MKS1: variants seen among roughly 807,000 people sequenced by gnomAD.
The protein encoded by MKS1 is tectonic-like complex member MKS1.
In MKS1, 70 loss-of-function variants were observed where a neutral mutation model predicts 83.7. That is an observed-to-expected ratio of 0.84 (90% CI 0.69 to 1.02). The LOEUF (loss-of-function observed/expected upper bound fraction) is 1.02. Among genes scored for constraint, MKS1 ranks in the 50% least tolerant of loss-of-function variants. The probability of loss-of-function intolerance (pLI) is 0.00; values close to 1 mark genes in which losing one functional copy is unlikely to be tolerated. For synonymous variants in MKS1, 251 were observed against 273.4 expected (o/e 0.92, Z 0.81); for missense variants, 681 against 726.9 (o/e 0.94, Z 0.73).
chr17:58,213,030 G>A lies in MKS1; in HGVS notation c.810C>T (p.Pro270=). ...LWKYTIDNVS[P]HAQPEEEERE... is the part of the protein sequence containing the mutation. ...GCTCCTCCTCCTCCGGCTGTGCGTG[G>A]GGGGAAACATTGTCGATCGTATATT... is the stretch of plus-strand genomic sequence containing the variant. The change falls in exon 8 of 18, where the codon CCC becomes CCT. Residue 270 remains proline, a synonymous_variant. Transcript: ENST00000393119. 6.2e-7 allele frequency: 1 copy of A among 1,614,096 alleles called. No homozygotes were observed. The highest frequency in any genetic ancestry group is 8.5e-7 in the Non-Finnish European group (1 of 1,180,014).
chr17:58,213,634 C>G (rs115048531), intron 7 of MKS1, 131 bp downstream of exon 7: 8 of 766,740 alleles, frequency 1.0e-5, no homozygotes, highest in South Asian at 8.8e-5. Context: ...GAACAGAATA[C>G]GAACCATTGC....
rs771356715 is a variant in MKS1 at position 58,206,069 on chromosome 17, C to A, written c.*10G>T. 6.2e-7 allele frequency: 1 copy of A among 1,605,928 alleles called. No individual in the cohort carries two copies. ...TGTCCTCTTGCACTGTGGGCCAGGG[C>A]TGCTGTGAGCTAGGAGACCAGGGTT... On this transcript the variant is annotated 3_prime_UTR_variant, in exon 18 of 18. Coordinates refer to ENST00000393119, the MANE Select transcript of MKS1 (RefSeq NM_017777.4).
Position 58,218,679 on chromosome 17 carries a change from G to C in MKS1, c.131C>G (p.Ala44Gly). The part of the protein sequence containing the change: ...TSSNFLHYQP[A>G]AELGKDLIDL... ...TATGAGGTCCTTCCCGAGCTCGGCA[G>C]CAGGCTGATAATGAAGAAAGTTGCT... The change falls in exon 2 of 18, where the codon GCT becomes GGT. Residue 44 changes from alanine to glycine, a missense_variant. Ala to Gly is a moderately conservative substitution (Grantham distance 60, BLOSUM62 0). Transcript: ENST00000393119. 1 of 1,614,036 alleles carries C rather than the reference G, an allele frequency of 6.2e-7. No individual in the cohort carries two copies. Among genetic ancestry groups the C allele is most frequent in the Non-Finnish European group, 8.5e-7 (1 of 1,179,956 alleles).
At chr17:58,217,695 G>T (rs1201424959) in intron 2 of MKS1, among the ~76,000 whole-genome samples, 1 of 152,110 alleles carries the variant, frequency 6.6e-6, no homozygotes, top group Admixed American at 6.5e-5. Flanking sequence ...GTCCCAGCTA[G>T]TTGGGAGGCT....
chr17:58,210,841 C>G, intron 10 of MKS1, 117 bp from the exon 11 acceptor site: 1 of 1,440,678 alleles, frequency 6.9e-7, no homozygotes, highest in East Asian at 2.3e-5. Flanking sequence ...CAGGAACCCT[C>G]TGCGTTTCCA....
chr17:58,207,040 G>C, intron 15 of MKS1, 45 bp downstream of exon 15: 1 of 1,613,650 alleles, frequency 6.2e-7, no homozygotes, highest in East Asian at 2.2e-5. Flanking sequence ...AGAAGGACAG[G>C]ACCATAAGTT....
intron 2 of MKS1, 84 bp from the exon 3 acceptor site, chr17:58,216,820 T>C: frequency 7.2e-7 from 1 of 1,394,240 alleles, no homozygotes; most frequent in Non-Finnish European, 1.0e-6. Context: ...CCAAAGTCCC[T>C]ATTCTTATAT....
chr17:58,213,006 C>T lies in MKS1; in HGVS notation c.834G>A (p.Glu278=), dbSNP rs1447168256. The T allele has an allele frequency of 6.2e-7, 1 of 1,607,718 alleles. No individual in the cohort carries two copies. The highest frequency in any genetic ancestry group is 8.5e-7 in the Non-Finnish European group (1 of 1,175,258). ...VSPHAQPEEE[E]RERRVFKDLY... is the part of the protein sequence containing the mutation. ...CATCCTTGAACACTCGCCGTTCCCG[C>T]TCCTCCTCCTCCGGCTGTGCGTGGG... Residue 278 remains glutamate, a synonymous_variant, in exon 8 of 18, where the codon GAG becomes GAA. Coordinates refer to ENST00000393119, the MANE Select transcript of MKS1 (RefSeq NM_017777.4).
chr17:58,208,103 A>C lies in MKS1; in HGVS notation c.1165+2T>G. Reference sequence around the variant, plus strand: ...CCCAGGATCAACTGCTGAGCTACTCACCAGAAGATTCATCCTCATGGAGGA... The same window carrying C: ...CCCAGGATCAACTGCTGAGCTACTCCCCAGAAGATTCATCCTCATGGAGGA... On this transcript the variant is annotated splice_donor_variant, in intron 13 of 17. Transcript: ENST00000393119. LOFTEE classifies it high-confidence loss of function. 6.2e-7 allele frequency: 1 copy of C among 1,613,260 alleles called. No homozygotes were observed. Among genetic ancestry groups the C allele is most frequent in the Non-Finnish European group, 8.5e-7 (1 of 1,179,182 alleles).
Position 58,205,511 on chromosome 17 carries a change from C to A in MKS1, c.*568G>T. 2 of 1,282,928 alleles carry A rather than the reference C, an allele frequency of 1.6e-6. No homozygotes were observed. The highest frequency in any genetic ancestry group is 5.6e-5 in the East Asian group (1 of 17,748). 79.5% of individuals were successfully genotyped at this position (1,282,928 alleles called of 1,614,324 possible). A position where few individuals can be genotyped will look rare whatever the true frequency, so the allele number is the denominator to read the frequency against. ...AACAAAAAAACACAGTAAAAGATAC[C>A]ACCCAGCTAGCAGAAAGGACTCAGC... On this transcript the variant is annotated 3_prime_UTR_variant, in exon 18 of 18. Coordinates refer to ENST00000393119, the MANE Select transcript of MKS1 (RefSeq NM_017777.4).
At chr17:58,219,053 T>C (rs1598007835) in intron 1 of MKS1, 98 bp downstream of exon 1, 1 of 1,488,168 alleles carries the variant, frequency 6.7e-7, no homozygotes, top group East Asian at 2.5e-5. Context: ...TGGTCGGGAT[T>C]GTAAGCAGAA....
chr17:58,213,122 T>C, intron 7 of MKS1, 32 bp from the exon 8 acceptor site: 1 of 1,603,034 alleles, frequency 6.2e-7, no homozygotes, highest in Non-Finnish European at 8.5e-7. Flanking sequence ...AAGGAGCAAC[T>C]CTAATAATGA....
Position 58,219,226 on chromosome 17 carries a change from G to T in MKS1, c.5C>A (p.Ala2Glu). The change falls in exon 1 of 18, where the codon GCG becomes GAG. Residue 2 changes from alanine to glutamate, a missense_variant. Coordinates refer to ENST00000393119, the MANE Select transcript of MKS1 (RefSeq NM_017777.4). M[A>E]ETVWSTDTGE... ...GGTGTCAGTGCTCCAGACGGTCTCC[G>T]CCATGACAGCTGCGACGCGCCGCGA... The T allele has an allele frequency of 6.4e-7, 1 of 1,550,794 alleles. No homozygotes were observed.
At chr17:58,211,103 C>T (rs1968848928) in intron 9 of MKS1, 81 bp from the exon 10 acceptor site, 1 of 1,451,752 alleles carries the variant, frequency 6.9e-7, no homozygotes, top group South Asian at 1.1e-5. Context: ...TACAAATCTG[C>T]AGACGACCTG....
At chr17:58,213,202 A>C in intron 7 of MKS1, 112 bp from the exon 8 acceptor site, 1 of 1,000,296 alleles carries the variant, frequency 1.0e-6, no homozygotes, top group Non-Finnish European at 1.6e-6. Context: ...ACTAAAGTAT[A>C]TGATGATAAA....
chr17:58,208,387 C>T (rs1030358758), intron 12 of MKS1, 126 bp downstream of exon 12: 4 of 1,184,612 alleles, frequency 3.4e-6, no homozygotes, highest in Admixed American at 1.9e-5. Flanking sequence ...CTGTAGAACC[C>T]ACACACAAGT....
At position 58,207,948 on chromosome 17, in the gene MKS1, A is replaced by G. The variant is rs1468389010; in HGVS notation, c.1219T>C (p.Trp407Arg). 1.1e-5 allele frequency: 17 copies of G among 1,614,052 alleles called. No homozygotes were observed. The highest frequency in any genetic ancestry group is 1.7e-5 in the Admixed American group (1 of 59,996). Reference protein sequence around the residue: ...LYCEVLSLDFWQRYRVEGYGA... With the variant: ...LYCEVLSLDFRQRYRVEGYGA... ...TAGCCTTCCACACGGTACCTCTGCCAGAAGTCCAGCGAGAGGACCTCACAG... is the reference window on the plus strand; with the variant it reads ...TAGCCTTCCACACGGTACCTCTGCCGGAAGTCCAGCGAGAGGACCTCACAG... Residue 407 changes from tryptophan (W) to arginine (R), a missense_variant, in exon 14 of 18, where the codon TGG becomes CGG. Trp to Arg is a moderately radical substitution (Grantham distance 101). Around this residue, in one of 3 missense-constraint regions of MKS1, gnomAD observed 310 missense variants for 321.7 expected, o/e 0.96. Transcript: ENST00000393119.
At position 58,216,145 on chromosome 17, in the gene MKS1, C is replaced by A. The variant is rs751455442; in HGVS notation, c.360G>T (p.Lys120Asn). The A allele has an allele frequency of 6.2e-7, 1 of 1,614,202 alleles. No individual in the cohort carries two copies. Among genetic ancestry groups the A allele is most frequent in the South Asian group, 1.1e-5 (1 of 91,088 alleles). Residue 120 changes from lysine (K) to asparagine (N), a missense_variant, in exon 4 of 18, where the codon AAG becomes AAT. By Grantham distance (94) the Lys-to-Asn change is moderately conservative. Coordinates refer to ENST00000393119, the MANE Select transcript of MKS1 (RefSeq NM_017777.4). ...TGTAGGTAAAGATTCGTCGGTTTTT[C>A]TTGCCACCCGAATTCTCCAGCTTCA... ...EILKLENSGG[K>N]KNRRIFTYTD...
At position 58,208,518 on chromosome 17, in the gene MKS1, C is replaced by G. The variant is rs769389013; in HGVS notation, c.1090G>C (p.Ala364Pro). 5 of 1,613,932 alleles carry G rather than the reference C, an allele frequency of 3.1e-6. No individual in the cohort carries two copies. In the Admixed American group the frequency reaches 8.3e-5, roughly 27 times the overall value. ...CCCGCTCTCATTCTCCATACCATTG[C>G]CAGGGACTTGGTGGTGCAGGTCTGT... ...VTQTCTTKSL[A>P]MDKVAHFSYP... Residue 364 changes from alanine (A) to proline (P), a missense_variant, in exon 12 of 18, where the codon GCA becomes CCA. Physicochemically the swap from Ala to Pro is conservative, Grantham distance 27. Coordinates refer to ENST00000393119, the MANE Select transcript of MKS1 (RefSeq NM_017777.4).
Sources: gnomAD v4.1 joint callset for allele counts (sites outside exome capture counted in the v4.1 genomes callset) on GRCh38, gnomAD v4.1.1 for gene constraint, gnomAD v4.1.1 regional missense constraint, MANE v1.5 for transcripts, NCBI Gene and HGNC (gene_info 2026-07-23, HGNC 2026-07-21) for gene names.